The following XPC variants were observed in gnomAD, a reference collection of about 807,000 sequenced individuals.
XPC encodes XPC complex subunit, DNA damage recognition and repair factor.
In XPC, 76 loss-of-function variants were observed where a neutral mutation model predicts 95.8. The observed-to-expected ratio is 0.79, with a 90% CI of 0.66 to 0.96. The LOEUF (loss-of-function observed/expected upper bound fraction) is 0.96, where lower values mean the gene tolerates loss of function less well. Among genes scored for constraint, XPC ranks in the 40% least tolerant of loss-of-function variants. The probability of loss-of-function intolerance (pLI) is 0.00; values close to 1 mark genes in which losing one functional copy is unlikely to be tolerated. For missense variants in XPC, 1,146 were observed against 1,179.8 expected (o/e 0.97, Z 0.42); for synonymous variants, 442 against 442.1 (o/e 1.00, Z 0.00).
At position 14,158,080 on chromosome 3, in the gene XPC, C is replaced by G; in HGVS notation, c.1803G>C (p.Glu601Asp). Residue 601 changes from glutamate to aspartate, a missense_variant, in exon 9 of 16, where the codon GAG (glutamate) becomes GAC (aspartate). Transcript: ENST00000285021. The surrounding 1 kb of genome is among the most constrained non-coding windows in gnomAD (Gnocchi z 5.2). ...TVTRKCRVDAEWWAETLRPYQ... is the reference protein window; with the variant it reads ...TVTRKCRVDADWWAETLRPYQ... Reference sequence around the variant, plus strand: ...ATGGTCTCAAGGTCTCGGCCCACCACTCAGCATCAACCCGGCACTTGCGGG... The same window carrying G: ...ATGGTCTCAAGGTCTCGGCCCACCAGTCAGCATCAACCCGGCACTTGCGGG... 1 of 1,613,992 alleles carries G rather than the reference C, an allele frequency of 6.2e-7. No homozygotes were observed. Among genetic ancestry groups the G allele is most frequent in the Non-Finnish European group, 8.5e-7 (1 of 1,179,844 alleles).
intron 11 of XPC, chr3:14,151,242 C>T (rs1695676690): frequency 1.3e-5 from 2 of 152,172 alleles, no homozygotes; most frequent in Admixed American, 6.5e-5. Flanking sequence ...GACTTAGGAA[C>T]AAAATGGATT....
Position 14,170,548 on chromosome 3 carries a change from T to G in XPC, c.302A>C (p.Asp101Ala). The part of the protein sequence containing the change: ...EALSDGDDLR[D>A]FPSDLKKAHH... Reference sequence around the variant, plus strand: ...TGCCTTCTTGAGGTCACTTGGAAAGTCCCTGTGTAAAGACCACAGGAAGGA... The same window carrying G: ...TGCCTTCTTGAGGTCACTTGGAAAGGCCCTGTGTAAAGACCACAGGAAGGA... The change falls in exon 3 of 16, where the codon GAC becomes GCC. Residue 101 changes from aspartate (D) to alanine (A), a missense_variant and splice_region_variant. Coordinates refer to ENST00000285021, the MANE Select transcript of XPC (RefSeq NM_004628.5). The G allele has an allele frequency of 6.2e-7, 1 of 1,610,272 alleles. No individual in the cohort carries two copies. Among genetic ancestry groups the G allele is most frequent in the South Asian group, 1.1e-5 (1 of 90,486 alleles).
intron 3 of XPC, 148 bp from the exon 4 acceptor site, chr3:14,168,528 C>A (rs1696482422): frequency 4.2e-6 from 4 of 946,450 alleles, no homozygotes; most frequent in Non-Finnish European, 4.7e-6. Flanking sequence ...ACATGCCTTG[C>A]CCTGAGTCCT....
chr3:14,166,819 G>A (rs1696398909), intron 5 of XPC, among the ~76,000 whole-genome samples: 1 of 152,216 alleles, frequency 6.6e-6, no homozygotes, highest in Non-Finnish European at 1.5e-5. Context: ...TGCTAGGTGT[G>A]TGCAAGTGTT....
chr3:14,158,880 A>C lies in XPC; in HGVS notation c.1003T>G (p.Ser335Ala). 1 of 1,613,904 alleles carries C rather than the reference A, an allele frequency of 6.2e-7. No homozygotes were observed. Among genetic ancestry groups the C allele is most frequent in the Non-Finnish European group, 8.5e-7 (1 of 1,179,888 alleles). The change falls in exon 9 of 16, where the codon TCC becomes GCC. Residue 335 changes from serine to alanine, a missense_variant. Ser to Ala is a moderately conservative substitution (Grantham distance 99). Transcript: ENST00000285021. The surrounding 1 kb of genome is among the most constrained non-coding windows in gnomAD (Gnocchi z 5.2). ...GGATCCGCAGTCAATCTTTCCTTGG[A>C]AGGTTTCTTTCCCTTAAACAGAATA... ...KSATAKGKKP[S>A]KERLTADPGG...
chr3:14,148,838 C>CT lies in XPC; in HGVS notation c.2225dup (p.Pro743AlafsTer56). On this transcript the variant is annotated frameshift_variant, in exon 12 of 16. Transcript: ENST00000285021. LOFTEE classifies it high-confidence loss of function. Reference sequence around the variant, plus strand: ...CCTTCCCGTCCACGGCCACTGGGGGCTGATACTCCTCTGTCTGCCAGTAGC... The same window carrying CT: ...CCTTCCCGTCCACGGCCACTGGGGGCTTGATACTCCTCTGTCTGCCAGTAGC... The CT allele has an allele frequency of 6.2e-7, 1 of 1,614,040 alleles. No individual in the cohort carries two copies. Among genetic ancestry groups the CT allele is most frequent in the Non-Finnish European group, 8.5e-7 (1 of 1,179,894 alleles).
At chr3:14,148,496 T>C (rs1475671881) in intron 13 of XPC, 66 bp downstream of exon 13, 3 of 1,581,902 alleles carry the variant, frequency 1.9e-6, no homozygotes, top group Non-Finnish European at 2.6e-6. Flanking sequence ...CAGCTTTCCA[T>C]CCCCATCTCT....
intron 10 of XPC, among the ~76,000 whole-genome samples, chr3:14,155,105 T>A (rs1695849044): frequency 6.6e-6 from 1 of 152,132 alleles, no homozygotes; most frequent in Non-Finnish European, 1.5e-5. Context: ...GCCCTGCCCC[T>A]GCCCAGGGCA....
At chr3:14,178,238 G>A (rs531477213) in intron 1 of XPC, 409 of 535,946 alleles carry the variant, frequency 7.6e-4, no homozygotes, top group Non-Finnish European at 1.1e-3. Flanking sequence ...AAAAAGCTAC[G>A]CAGGAGCTTG....
chr3:14,168,504 A>G, intron 3 of XPC, 124 bp from the exon 4 acceptor site: 1 of 1,200,172 alleles, frequency 8.3e-7, no homozygotes, highest in Non-Finnish European at 1.2e-6. Flanking sequence ...GAGACAGCCC[A>G]CAGAGACCCC....
chr3:14,156,947 T>A lies in XPC; in HGVS notation c.1873-452A>T, dbSNP rs3731135. ...TTTCTCTTCGTCCACTATGACAGTGTTCTCTCTGCCCTTCTCTGAGATTGC... is the reference window on the plus strand; with the variant it reads ...TTTCTCTTCGTCCACTATGACAGTGATCTCTCTGCCCTTCTCTGAGATTGC... On this transcript the variant is annotated intron_variant, in intron 9 of 15. Coordinates refer to ENST00000285021, the MANE Select transcript of XPC (RefSeq NM_004628.5). Among the ~76,000 whole-genome samples, 1,415 of 152,334 alleles carry A rather than the reference T, an allele frequency of 9.3e-3. 23 individuals carry two copies. The highest frequency in any genetic ancestry group is 0.032 in the African/African-American group (1,325 of 41,568).
rs763620239 is a variant in XPC, at chr3:14,158,472, G to A, written c.1411C>T (p.Pro471Ser). The change falls in exon 9 of 16, where the codon CCC (proline) becomes TCC (serine). Residue 471 changes from proline (P) to serine (S), a missense_variant. Pro to Ser is a moderately conservative substitution (Grantham distance 74). Coordinates refer to ENST00000285021, the MANE Select transcript of XPC (RefSeq NM_004628.5). The surrounding 1 kb of genome is among the most constrained non-coding windows in gnomAD (Gnocchi z 5.2). ...EPGPPKQRKA[P>S]APQRTKAGSK... ...CCAGCCTTTGTCCTCTGAGGAGCGG[G>A]GGCTTTCCTCTGCTTTGGAGGGCCA... The A allele has an allele frequency of 1.3e-5, 21 of 1,612,792 alleles. No homozygotes were observed. The highest frequency in any genetic ancestry group is 1.7e-4 in the Middle Eastern group (1 of 6,058).
intron 9 of XPC, among the ~76,000 whole-genome samples, chr3:14,157,751 G>T (rs1158679896): frequency 6.6e-6 from 1 of 152,080 alleles, no homozygotes; most frequent in Non-Finnish European, 1.5e-5. Context: ...TTTATAACTG[G>T]GCAATAACTA....
intron 14 of XPC, 51 bp from the exon 15 acceptor site, chr3:14,147,430 G>A: frequency 6.6e-7 from 1 of 1,516,036 alleles, no homozygotes; most frequent in Middle Eastern, 1.7e-4. Flanking sequence ...GACATTTTCA[G>A]GAAAAATATT....
chr3:14,152,543 T>C, intron 10 of XPC, 127 bp from the exon 11 acceptor site: 1 of 830,494 alleles, frequency 1.2e-6, no homozygotes, highest in Non-Finnish European at 1.8e-6. Flanking sequence ...CAGGCCGAGC[T>C]CCTAGGGGGC....
rs1018936776 is a variant in XPC at position 14,147,857 on chromosome 3, T to C, written c.2514+51A>G. 2.6e-6 allele frequency: 4 copies of C among 1,519,428 alleles called. No homozygotes were observed. In the African/African-American group the frequency reaches 5.5e-5, roughly 21 times the overall value. 94.1% of individuals were successfully genotyped at this position (1,519,428 alleles called of 1,614,324 possible). A position where few individuals can be genotyped will look rare whatever the true frequency, so the allele number is the denominator to read the frequency against. ...CCTGGGGAAGGAAGAGGCCACCCGC[T>C]GAGTGTTGCTTCCCGCTTCTGCTGT... On this transcript the variant is annotated intron_variant, in intron 14 of 15. Coordinates refer to ENST00000285021, the MANE Select transcript of XPC (RefSeq NM_004628.5).
Position 14,159,793 on chromosome 3 carries a change from G to A in XPC, c.938C>T (p.Thr313Ile). Residue 313 changes from threonine (T) to isoleucine (I), a missense_variant, in exon 8 of 16, where the codon ACC becomes ATC. Coordinates refer to ENST00000285021, the MANE Select transcript of XPC (RefSeq NM_004628.5). ...TGGCTGTAGAGACAATACCAGCCGGGTCAAGAGCTGCAGAGCCCGGAGAAT... is the reference window on the plus strand; with the variant it reads ...TGGCTGTAGAGACAATACCAGCCGGATCAAGAGCTGCAGAGCCCGGAGAAT... Reference protein sequence around the residue: ...LLILRALQLLTRLVLSLQPIP... With the variant: ...LLILRALQLLIRLVLSLQPIP... 2.6e-6 allele frequency: 4 copies of A among 1,561,764 alleles called. No homozygotes were observed. The highest frequency in any genetic ancestry group is 1.2e-5 in the South Asian group (1 of 84,554).
In XPC at chr3:14,158,927, C is replaced by A. The variant is rs1468559615; in HGVS notation, c.991-35G>T. 1.9e-6 allele frequency: 3 copies of A among 1,611,518 alleles called. No homozygotes were observed. Among genetic ancestry groups the A allele is most frequent in the South Asian group, 1.1e-5 (1 of 90,900 alleles). On this transcript the variant is annotated intron_variant, in intron 8 of 15. Transcript: ENST00000285021. This position sits in a 1 kb window ranked among gnomAD's most constrained non-coding sequence, Gnocchi z 5.2. ...AATAAGAAATTTTGCTTTTTTTTCTCCCCCCTCTTTTGCTAATGATATGAT... is the reference window on the plus strand; with the variant it reads ...AATAAGAAATTTTGCTTTTTTTTCTACCCCCTCTTTTGCTAATGATATGAT...
At chr3:14,154,048 A>G (rs1370438055) in intron 10 of XPC, among the ~76,000 whole-genome samples, 2 of 152,224 alleles carry the variant, frequency 1.3e-5, no homozygotes, top group African/African-American at 2.4e-5. Flanking sequence ...GGAAAACAGC[A>G]GGGAAATGGA....
Sources: gnomAD v4.1 joint callset for allele counts (sites outside exome capture counted in the v4.1 genomes callset) on GRCh38, gnomAD v4.1.1 for gene constraint, Gnocchi (gnomAD v3.1) non-coding constraint, MANE v1.5 for transcripts, NCBI Gene and HGNC (gene_info 2026-07-23, HGNC 2026-07-21) for gene names.